The following CPXM2 variants were observed in gnomAD, a reference collection of about 807,000 sequenced individuals.
CPXM2 encodes carboxypeptidase X, M14 family member 2.
CPXM2 carries 66 observed loss-of-function variants against 86.1 expected under a neutral mutation model. The observed-to-expected ratio is 0.77, with a 90% confidence interval of 0.63 to 0.94. The LOEUF is 0.94. CPXM2 is among the 40% of genes least tolerant of loss of function. The pLI is 0.00. For missense variants in CPXM2, 948 were observed against 1,026.3 expected (o/e 0.92, Z 1.04); for synonymous variants, 388 against 400.2 (o/e 0.97, Z 0.36).
intron 4 of CPXM2, among the ~76,000 whole-genome samples, chr10:123,803,628 G>A (rs1590018669): frequency 6.6e-6 from 1 of 151,854 alleles, no homozygotes; most frequent in Non-Finnish European, 1.5e-5. Context: ...ATAGTGTGAC[G>A]GGTCAAGATA....
intron 3 of CPXM2, among the ~76,000 whole-genome samples, chr10:123,860,273 C>G (rs1323531715): frequency 6.6e-6 from 1 of 152,186 alleles, no homozygotes; most frequent in Non-Finnish European, 1.5e-5. Flanking sequence ...GGTCACCACT[C>G]AAGGAACTCT....
At chr10:123,787,372 T>C (rs1202717121) in intron 6 of CPXM2, among the ~76,000 whole-genome samples, 1 of 152,024 alleles carries the variant, frequency 6.6e-6, no homozygotes, top group Non-Finnish European at 1.5e-5. Flanking sequence ...ACCAAGTGCC[T>C]GCTCACTACA....
chr10:123,763,283 C>G (rs2133991111), intron 10 of CPXM2, among the ~76,000 whole-genome samples: 1 of 152,212 alleles, frequency 6.6e-6, no homozygotes, highest in Non-Finnish European at 1.5e-5. Flanking sequence ...CGTGATCTGC[C>G]CGCCTCAGCC....
chr10:123,887,532 A>C (rs1945197961), intron 1 of CPXM2, among the ~76,000 whole-genome samples: 1 of 152,188 alleles, frequency 6.6e-6, no homozygotes, highest in Admixed American at 6.5e-5. Flanking sequence ...TACTGTATAC[A>C]ACAGTGACTC....
In CPXM2 at chr10:123,745,841, C is replaced by T. The variant is rs1334436477; in HGVS notation, c.*923G>A. ...CTGGCATTCTACATATCAAAAATAA[C>T]TCCCAGGCTGATATGAGGCCAACCC... On this transcript the variant is annotated 3_prime_UTR_variant, in exon 14 of 14. Coordinates refer to ENST00000241305, the MANE Select transcript of CPXM2 (RefSeq NM_198148.3). The T allele has an allele frequency of 6.6e-6, 1 of 151,970 alleles. No individual in the cohort carries two copies. The highest frequency in any genetic ancestry group is 1.5e-5 in the Non-Finnish European group (1 of 68,018). The allele number at this position is 151,970 out of a possible 1,614,324, so 9.4% of individuals were successfully genotyped here. A position where few individuals can be genotyped will look rare whatever the true frequency, so the allele number is the denominator to read the frequency against.
At chr10:123,918,472 A>C (rs1201184284) in intron 2 of CPXM2, among the ~76,000 whole-genome samples, 1 of 152,088 alleles carries the variant, frequency 6.6e-6, no homozygotes, top group Non-Finnish European at 1.5e-5. Flanking sequence ...AGAAATACAG[A>C]TCCAGCAGAG....
At chr10:123,802,605 G>C (rs903998739) in intron 4 of CPXM2, among the ~76,000 whole-genome samples, 4 of 152,190 alleles carry the variant, frequency 2.6e-5, no homozygotes, top group Non-Finnish European at 2.9e-5. Context: ...GAGTGCTTCT[G>C]TGAACATTCC....
intron 6 of CPXM2, among the ~76,000 whole-genome samples, chr10:123,795,733 G>C (rs754376402): frequency 6.6e-6 from 1 of 152,070 alleles, no homozygotes. Flanking sequence ...TATTTGGGGG[G>C]TGGAAAATAG....
chr10:123,787,148 AC>A (rs1456585819), intron 6 of CPXM2, among the ~76,000 whole-genome samples: 2 of 152,188 alleles, frequency 1.3e-5, no homozygotes, highest in Admixed American at 1.3e-4. Context: ...CCAGGTGGCT[AC>A]AGCCAGTTCC....
chr10:123,941,109 T>C (rs1945772417), upstream of CPXM2, among the ~76,000 whole-genome samples: 1 of 152,142 alleles, frequency 6.6e-6, no homozygotes, highest in Admixed American at 6.5e-5. Flanking sequence ...AGGCGGAGCT[T>C]GCAGTGAGCC....
chr10:123,904,907 G>A, intron 2 of CPXM2, among the ~76,000 whole-genome samples: 1 of 137,802 alleles, frequency 7.3e-6, no homozygotes. Context: ...CCCGAGCTCT[G>A]CATCACACCT....
At chr10:123,896,039 A>G (rs1454069404), upstream of CPXM2, among the ~76,000 whole-genome samples, 1 of 152,224 alleles carries the variant, frequency 6.6e-6, no homozygotes, top group Non-Finnish European at 1.5e-5. Context: ...TAATTTTTCA[A>G]ATATTTATGA....
At chr10:123,815,637 T>C (rs1847798417) in intron 4 of CPXM2, among the ~76,000 whole-genome samples, 1 of 152,132 alleles carries the variant, frequency 6.6e-6, no homozygotes, top group Non-Finnish European at 1.5e-5. Context: ...GAGGCAACAG[T>C]GATGGCTTCC....
At chr10:123,895,377 G>T (rs1202829430), upstream of CPXM2, among the ~76,000 whole-genome samples, 1 of 152,050 alleles carries the variant, frequency 6.6e-6, no homozygotes, top group Non-Finnish European at 1.5e-5. Flanking sequence ...ACCCGCCTTG[G>T]CCTCCCAAAG....
intron 2 of CPXM2, among the ~76,000 whole-genome samples, chr10:123,936,085 C>T (rs116892469): frequency 3.9e-4 from 58 of 148,374 alleles, no homozygotes; most frequent in East Asian, 7.9e-4. Flanking sequence ...TTTACCATCA[C>T]CACCACCATC....
upstream of CPXM2, among the ~76,000 whole-genome samples, chr10:123,943,562 A>G (rs1198300440): frequency 6.6e-6 from 1 of 152,214 alleles, no homozygotes; most frequent in Non-Finnish European, 1.5e-5. Flanking sequence ...CTTGGGCCCC[A>G]CAGGGAGTTG....
intron 6 of CPXM2, 144 bp downstream of exon 6, chr10:123,797,832 G>T (rs1847366732): frequency 2.9e-6 from 2 of 696,190 alleles, no homozygotes; most frequent in Non-Finnish European, 4.0e-6. Context: ...GATTGATTCT[G>T]CCTCCTCAGC....
intron 4 of CPXM2, among the ~76,000 whole-genome samples, chr10:123,801,780 T>G (rs1044274888): frequency 1.3e-5 from 2 of 152,208 alleles, no homozygotes; most frequent in Non-Finnish European, 2.9e-5. Flanking sequence ...CCTAATACTG[T>G]TTATACTCTC....
At chr10:123,785,693 C>A (rs911720708) in intron 6 of CPXM2, among the ~76,000 whole-genome samples, 2 of 149,144 alleles carry the variant, frequency 1.3e-5, no homozygotes, top group African/African-American at 5.0e-5. Context: ...AGTACAGAGG[C>A]GCGATCTCGG....
Sources: allele counts gnomAD v4.1 joint callset (sites outside exome capture counted in the v4.1 genomes callset), GRCh38; gene constraint gnomAD v4.1.1; transcripts MANE v1.5; gene names NCBI Gene and HGNC (gene_info 2026-07-23, HGNC 2026-07-21).